The following DOK5 variants were observed in gnomAD, a reference collection of about 807,000 sequenced individuals.
The protein encoded by DOK5 is docking protein 5, also known as downstream of tyrosine kinase 5.
In DOK5, 27 loss-of-function variants were observed where a neutral mutation model predicts 43.3. The observed-to-expected ratio is 0.62, with a 90% CI of 0.46 to 0.86. DOK5 has a LOEUF of 0.86. Among genes scored for constraint, DOK5 ranks in the 40% least tolerant of loss-of-function variants. The pLI is 0.00. For synonymous variants in DOK5, 146 were observed against 140.1 expected (o/e 1.04, Z -0.30); for missense variants, 373 against 392.9 (o/e 0.95, Z 0.43).
At chr20:54,535,872 CTT>C (rs1983944739) in intron 1 of DOK5, among the ~76,000 whole-genome samples, 1 of 152,142 alleles carries the variant, frequency 6.6e-6, no homozygotes, top group South Asian at 2.1e-4. Context: ...TAATAAACCT[CTT>C]ATATAAATAT....
Position 54,644,684 on chromosome 20 carries a change from T to C in DOK5, c.856+1106T>C, listed in dbSNP as rs1284611322. Reference sequence around the variant, plus strand: ...TAGCGCCACTGCACTCCAGCCTGGGTGACAGAGAGAGACTCCGTCTCAAAA... The same window carrying C: ...TAGCGCCACTGCACTCCAGCCTGGGCGACAGAGAGAGACTCCGTCTCAAAA... On this transcript the variant is annotated intron_variant, in intron 7 of 7. Transcript: ENST00000262593. 4.5e-4 allele frequency among the ~76,000 whole-genome samples: 60 copies of C among 133,018 alleles called. No individual in the cohort carries two copies. In the Middle Eastern group the frequency reaches 0.013, roughly 28 times the overall value. 87.3% of individuals were successfully genotyped at this position (133,018 alleles called of 152,430 possible). A position where few individuals can be genotyped will look rare whatever the true frequency, so the allele number is the denominator to read the frequency against.
At chr20:54,616,909 C>T (rs1600739890) in intron 6 of DOK5, among the ~76,000 whole-genome samples, 2 of 151,636 alleles carry the variant, frequency 1.3e-5, no homozygotes, top group East Asian at 3.9e-4. Flanking sequence ...CCTGCCTCAG[C>T]CTCCCGAGTA....
chr20:54,551,599 G>A (rs1338870925), intron 1 of DOK5, among the ~76,000 whole-genome samples: 2 of 151,870 alleles, frequency 1.3e-5, no homozygotes, highest in Non-Finnish European at 2.9e-5. Flanking sequence ...TGTTTAAGTC[G>A]ACGATTTTTC....
chr20:54,650,153 G>A (rs1424997151), intron 7 of DOK5, among the ~76,000 whole-genome samples: 3 of 152,144 alleles, frequency 2.0e-5, no homozygotes, highest in Non-Finnish European at 4.4e-5. Context: ...CCCTGGATAT[G>A]GGGATTGATG....
chr20:54,634,437 CTTT>C (rs11470013), intron 6 of DOK5, among the ~76,000 whole-genome samples: 39 of 90,400 alleles, frequency 4.3e-4, no homozygotes, highest in African/African-American at 1.5e-3. Context: ...TCATATCATG[CTTT>C]TTTTTTTTTT....
intron 2 of DOK5, among the ~76,000 whole-genome samples, chr20:54,574,290 A>C (rs1348069187): frequency 2.0e-5 from 3 of 151,980 alleles, no homozygotes; most frequent in Non-Finnish European, 2.9e-5. Context: ...GGTTTTCTTC[A>C]TATCCTTAAT....
chr20:54,576,079 G>A (rs1055746904), intron 2 of DOK5, among the ~76,000 whole-genome samples: 4 of 152,038 alleles, frequency 2.6e-5, no homozygotes, highest in Admixed American at 6.6e-5. Context: ...AATGAAGCAT[G>A]AAAAGAATTA....
chr20:54,623,761 A>G (rs1285487157), intron 6 of DOK5, among the ~76,000 whole-genome samples: 1 of 151,844 alleles, frequency 6.6e-6, no homozygotes, highest in African/African-American at 2.4e-5. Flanking sequence ...TTGTATTTTT[A>G]GTAGAGACAG....
intron 1 of DOK5, among the ~76,000 whole-genome samples, chr20:54,516,066 C>T (rs1983186858): frequency 6.6e-6 from 1 of 152,178 alleles, no homozygotes; most frequent in Non-Finnish European, 1.5e-5. Context: ...TGCAGTGTGT[C>T]GTGTACCCTT....
At chr20:54,582,162 T>G (rs1477590055) in intron 2 of DOK5, among the ~76,000 whole-genome samples, 2 of 151,902 alleles carry the variant, frequency 1.3e-5, no homozygotes, top group Admixed American at 1.3e-4. Flanking sequence ...GTTAATGTGG[T>G]GTATCCATCT....
Position 54,535,130 on chromosome 20 carries a change from C to T in DOK5, c.67-19803C>T, listed in dbSNP as rs371937538. Among the ~76,000 whole-genome samples, 6 of 152,090 alleles carry T rather than the reference C, an allele frequency of 3.9e-5. No homozygotes were observed. The East Asian group carries it at 1.2e-3, about 29-fold the overall frequency. On this transcript the variant is annotated intron_variant, in intron 1 of 7. Transcript: ENST00000262593. Reference sequence around the variant, plus strand: ...TAAGGTGTGAGCCACCACACCCAGCCGAAAACATGTTTCTTTCCTGGAAGT... The same window carrying T: ...TAAGGTGTGAGCCACCACACCCAGCTGAAAACATGTTTCTTTCCTGGAAGT...
At chr20:54,501,132 A>G (rs1159543130) in intron 1 of DOK5, among the ~76,000 whole-genome samples, 2 of 152,180 alleles carry the variant, frequency 1.3e-5, no homozygotes, top group Admixed American at 6.5e-5. Flanking sequence ...TAACTTCCCT[A>G]TGGGCTACGA....
chr20:54,590,482 A>G (rs1026006623), intron 4 of DOK5, among the ~76,000 whole-genome samples: 13 of 152,034 alleles, frequency 8.6e-5, no homozygotes, highest in Admixed American at 2.0e-4. Flanking sequence ...CTTTTTACTT[A>G]ATATAGACAG....
intron 5 of DOK5, among the ~76,000 whole-genome samples, chr20:54,607,051 C>T (rs565860522): frequency 6.6e-6 from 1 of 152,334 alleles, no homozygotes; most frequent in South Asian, 2.1e-4. Context: ...ACATAAAAGT[C>T]AAGAAGTCTT....
intron 1 of DOK5, among the ~76,000 whole-genome samples, chr20:54,530,730 G>T (rs977645062): frequency 8.5e-5 from 13 of 152,086 alleles, no homozygotes; most frequent in African/African-American, 3.1e-4. Context: ...TAATAAATTT[G>T]TATGCCTTTT....
chr20:54,623,198 T>C (rs1190668279), intron 6 of DOK5, among the ~76,000 whole-genome samples: 2 of 152,172 alleles, frequency 1.3e-5, no homozygotes, highest in Non-Finnish European at 2.9e-5. Flanking sequence ...TGGGGTCCCA[T>C]TGGCATCTGG....
At chr20:54,558,588 T>C (rs1214917030) in intron 2 of DOK5, among the ~76,000 whole-genome samples, 1 of 152,224 alleles carries the variant, frequency 6.6e-6, no homozygotes, top group Admixed American at 6.5e-5. Context: ...TGAATCTTGA[T>C]AATAAAATAC....
At chr20:54,501,203 C>T (rs936742935) in intron 1 of DOK5, among the ~76,000 whole-genome samples, 1 of 151,198 alleles carries the variant, frequency 6.6e-6, no homozygotes, top group Non-Finnish European at 1.5e-5. Context: ...CGCGGTGGCT[C>T]ACGCCTGTAA....
chr20:54,607,015 C>T (rs1986491865), intron 5 of DOK5, among the ~76,000 whole-genome samples: 1 of 152,188 alleles, frequency 6.6e-6, no homozygotes. Flanking sequence ...AAACAAGTTG[C>T]TGACATATAA....
Sources: allele counts gnomAD v4.1 joint callset (sites outside exome capture counted in the v4.1 genomes callset), GRCh38; gene constraint gnomAD v4.1.1; transcripts MANE v1.5; gene names NCBI Gene and HGNC (gene_info 2026-07-23, HGNC 2026-07-21).